Variants in OTUD7A observed in about 807,000 individuals in gnomAD.
OTUD7A encodes the protein OTU deubiquitinase 7A.
A neutral mutation model predicts 65.7 loss-of-function variants in OTUD7A; 12 were observed. The ratio of observed to expected loss-of-function variants is 0.18; its 90% CI spans 0.12 to 0.30. The LOEUF (loss-of-function observed/expected upper bound fraction) is 0.30, where lower values mean the gene tolerates loss of function less well. Among genes scored for constraint, OTUD7A ranks in the 10% least tolerant of loss-of-function variants. OTUD7A has a pLI of 1.00. For synonymous variants in OTUD7A, 641 were observed against 586.3 expected (o/e 1.09, Z -1.35); for missense variants, 1,148 against 1,304.8 (o/e 0.88, Z 1.85).
chr15:31,788,324 CAAGGG>C (rs774489647), intron 1 of OTUD7A, among the ~76,000 whole-genome samples: 1 of 152,176 alleles, frequency 6.6e-6, no homozygotes, highest in Non-Finnish European at 1.5e-5. Flanking sequence ...CATAAGCAAA[CAAGGG>C]AAGGCCAGAC....
intron 5 of OTUD7A, chr15:31,558,367 G>A (rs1359825557): frequency 6.5e-6 from 1 of 152,820 alleles, no homozygotes; most frequent in East Asian, 1.9e-4. Context: ...GGATGTTAGG[G>A]TGGTGAGGAA....
intron 1 of OTUD7A, among the ~76,000 whole-genome samples, chr15:31,773,768 T>C (rs1022697644): frequency 1.7e-4 from 26 of 152,138 alleles, no homozygotes; most frequent in East Asian, 1.9e-4. Context: ...ATATATGAAA[T>C]ACACACACAC....
At chr15:31,652,454 T>C (rs1891868948) in intron 3 of OTUD7A, among the ~76,000 whole-genome samples, 1 of 152,174 alleles carries the variant, frequency 6.6e-6, no homozygotes, top group Non-Finnish European at 1.5e-5. Flanking sequence ...GATATGTCAC[T>C]CAAAGCATGA....
At chr15:31,553,155 T>G (rs946973312) in intron 5 of OTUD7A, among the ~76,000 whole-genome samples, 11 of 152,158 alleles carry the variant, frequency 7.2e-5, no homozygotes, top group Admixed American at 7.2e-4. Context: ...CACCACTGAT[T>G]GCTCCCTTCT....
At chr15:31,700,205 A>C (rs1893182353) in intron 1 of OTUD7A, among the ~76,000 whole-genome samples, 1 of 151,076 alleles carries the variant, frequency 6.6e-6, no homozygotes, top group Admixed American at 6.6e-5. Flanking sequence ...CTTTTCCAAC[A>C]AACTATGGGT....
chr15:31,833,369 C>G (rs1269071158), intron 1 of OTUD7A, among the ~76,000 whole-genome samples: 1 of 152,208 alleles, frequency 6.6e-6, no homozygotes, highest in African/African-American at 2.4e-5. Context: ...TGTATAATTT[C>G]TGGTTATTAG....
intron 10 of OTUD7A, among the ~76,000 whole-genome samples, chr15:31,493,149 G>GAA (rs34577664): frequency 1.5e-5 from 2 of 136,160 alleles, no homozygotes; most frequent in African/African-American, 5.1e-5. Context: ...GAGGTTGTAG[G>GAA]AAAAAAAAAA....
At chr15:31,624,912 C>A (rs139659250) in intron 3 of OTUD7A, among the ~76,000 whole-genome samples, 3,148 of 152,210 alleles carry the variant, frequency 0.021, 101 homozygotes, top group African/African-American at 0.073. Flanking sequence ...AAGATAGCCC[C>A]CAAGGATCCC....
At chr15:31,591,862 G>A (rs1490738842) in intron 3 of OTUD7A, among the ~76,000 whole-genome samples, 1 of 152,168 alleles carries the variant, frequency 6.6e-6, no homozygotes, top group African/African-American at 2.4e-5. Context: ...AAACCTAGAT[G>A]GCATAGACTA....
At chr15:31,600,300 G>A (rs968746336) in intron 3 of OTUD7A, among the ~76,000 whole-genome samples, 8 of 152,202 alleles carry the variant, frequency 5.3e-5, no homozygotes, top group African/African-American at 1.9e-4. Context: ...CAGACTAACA[G>A]TGGATCTTTC....
At chr15:31,810,948 C>T (rs1300759572) in intron 1 of OTUD7A, among the ~76,000 whole-genome samples, 2 of 152,200 alleles carry the variant, frequency 1.3e-5, no homozygotes, top group Non-Finnish European at 2.9e-5. Flanking sequence ...GTCCCCAGTC[C>T]ATGAGGTGCA....
intron 3 of OTUD7A, among the ~76,000 whole-genome samples, chr15:31,632,717 C>G (rs1891210738): frequency 6.6e-6 from 1 of 152,328 alleles, no homozygotes; most frequent in African/African-American, 2.4e-5. Context: ...GCCCTGCCCC[C>G]AGAGGTGGAG....
intron 1 of OTUD7A, among the ~76,000 whole-genome samples, chr15:31,772,521 A>C (rs1403350590): frequency 6.6e-6 from 1 of 152,180 alleles, no homozygotes; most frequent in Non-Finnish European, 1.5e-5. Context: ...GGATTCCCAA[A>C]GTTTGCTGCA....
At chr15:31,522,240 G>A (rs1041974932) in intron 8 of OTUD7A, among the ~76,000 whole-genome samples, 1 of 152,224 alleles carries the variant, frequency 6.6e-6, no homozygotes, top group Non-Finnish European at 1.5e-5. Flanking sequence ...ACCAATATGG[G>A]TGGGGCTCAT....
intron 3 of OTUD7A, among the ~76,000 whole-genome samples, chr15:31,617,414 G>C (rs1447936966): frequency 6.6e-6 from 1 of 152,070 alleles, no homozygotes; most frequent in Non-Finnish European, 1.5e-5. Flanking sequence ...TTGAACCCGG[G>C]AGACAGAGGT....
chr15:31,766,284 A>G, intron 1 of OTUD7A: 1 of 1,603,004 alleles, frequency 6.2e-7, no homozygotes, highest in Non-Finnish European at 8.5e-7. Flanking sequence ...AAGTTTGGGC[A>G]TATCAACATT....
intron 12 of OTUD7A, among the ~76,000 whole-genome samples, chr15:31,485,945 G>T (rs2041230600): frequency 6.6e-6 from 1 of 152,192 alleles, no homozygotes; most frequent in Non-Finnish European, 1.5e-5. Context: ...GGGATAGGAA[G>T]GTGTGAAGTG....
intron 1 of OTUD7A, among the ~76,000 whole-genome samples, chr15:31,760,076 C>A (rs1894920474): frequency 1.3e-5 from 2 of 152,054 alleles, no homozygotes; most frequent in Non-Finnish European, 1.5e-5. Context: ...CTCAAATTTC[C>A]AACAAACTCT....
At chr15:31,604,601 A>G (rs1005752672) in intron 3 of OTUD7A, among the ~76,000 whole-genome samples, 5 of 152,210 alleles carry the variant, frequency 3.3e-5, no homozygotes, top group Admixed American at 3.3e-4. Context: ...TTAAAGTATA[A>G]CAAAAAAAGA....
Sources: allele counts gnomAD v4.1 joint callset (sites outside exome capture counted in the v4.1 genomes callset), GRCh38; gene constraint gnomAD v4.1.1; transcripts MANE v1.5; gene names NCBI Gene and HGNC (gene_info 2026-07-23, HGNC 2026-07-21).